Variants in NELL2 observed in about 807,000 individuals in gnomAD.
The protein encoded by NELL2 is protein kinase C-binding protein NELL2.
NELL2 carries 41 observed loss-of-function variants against 109.6 expected under a neutral mutation model. The observed-to-expected ratio is 0.37, with a 90% confidence interval of 0.29 to 0.49. The LOEUF is 0.49. Ranked by LOEUF, NELL2 falls within the 20% of genes least tolerant of loss-of-function variation. The probability of loss-of-function intolerance (pLI) is 0.98; values close to 1 mark genes in which losing one functional copy is unlikely to be tolerated. For missense variants in NELL2, 900 were observed against 1,008.3 expected, an observed-to-expected ratio of 0.89 and a Z score of 1.45; for synonymous variants, 355 against 344.7, an observed-to-expected ratio of 1.03 and a Z score of -0.33.
At chr12:44,517,973 TAA>T (rs1941348444) in intron 19 of NELL2, among the ~76,000 whole-genome samples, 1 of 152,184 alleles carries the variant, frequency 6.6e-6, no homozygotes, top group Non-Finnish European at 1.5e-5. Context: ...TTGTTTTGCA[TAA>T]ACTTTATTTT....
At chr12:44,787,088 T>C (rs1328241953) in intron 3 of NELL2, among the ~76,000 whole-genome samples, 1 of 152,114 alleles carries the variant, frequency 6.6e-6, no homozygotes, top group Non-Finnish European at 1.5e-5. Flanking sequence ...GGTCATAGGA[T>C]ACAATATGAC....
At chr12:44,754,204 T>C (rs114708459) in intron 9 of NELL2, among the ~76,000 whole-genome samples, 1 of 152,214 alleles carries the variant, frequency 6.6e-6, no homozygotes, top group Non-Finnish European at 1.5e-5. Flanking sequence ...TTTTAAAGTA[T>C]GATATTCAGT....
At chr12:44,588,044 G>A (rs1210948634) in intron 15 of NELL2, among the ~76,000 whole-genome samples, 2 of 151,980 alleles carry the variant, frequency 1.3e-5, no homozygotes, top group African/African-American at 2.4e-5. Flanking sequence ...CCAGCCACTC[G>A]GGAGGCTGAG....
chr12:44,856,648 G>A (rs918420816), intron 2 of NELL2, among the ~76,000 whole-genome samples: 1 of 152,166 alleles, frequency 6.6e-6, no homozygotes, highest in African/African-American at 2.4e-5. Context: ...TGGCATGTTT[G>A]AGAAACAAGG....
At chr12:44,605,125 CTT>C in intron 15 of NELL2, among the ~76,000 whole-genome samples, 1 of 152,142 alleles carries the variant, frequency 6.6e-6, no homozygotes, top group Non-Finnish European at 1.5e-5. Context: ...AGATTGAGGT[CTT>C]TGGATTTAAG....
At chr12:44,863,886 T>C (rs1429160647) in intron 2 of NELL2, among the ~76,000 whole-genome samples, 1 of 152,140 alleles carries the variant, frequency 6.6e-6, no homozygotes, top group Admixed American at 6.6e-5. Flanking sequence ...TATAAAAAGA[T>C]GCAAACGGTG....
chr12:44,663,164 G>T (rs1357779994), intron 13 of NELL2, among the ~76,000 whole-genome samples: 1 of 152,082 alleles, frequency 6.6e-6, no homozygotes, highest in Non-Finnish European at 1.5e-5. Context: ...ATCAAAGTGT[G>T]GGGGAGCCAA....
chr12:44,559,823 G>C (rs1401717066), intron 15 of NELL2, among the ~76,000 whole-genome samples: 1 of 152,160 alleles, frequency 6.6e-6, no homozygotes, highest in African/African-American at 2.4e-5. Flanking sequence ...TCTGGACCAA[G>C]TGGACTTAAT....
intron 2 of NELL2, among the ~76,000 whole-genome samples, chr12:44,817,899 A>G (rs531349327): frequency 5.2e-4 from 79 of 152,322 alleles, no homozygotes; most frequent in Non-Finnish European, 1.0e-3. Flanking sequence ...GACCTGACCA[A>G]TCCGGGCATC....
At chr12:44,739,933 C>T (rs927958938) in intron 9 of NELL2, among the ~76,000 whole-genome samples, 6 of 152,052 alleles carry the variant, frequency 3.9e-5, no homozygotes, top group African/African-American at 7.2e-5. Flanking sequence ...ATTAGAAGAC[C>T]GCATGATCAT....
At chr12:44,775,561 A>G (rs1941725799) in intron 8 of NELL2, among the ~76,000 whole-genome samples, 1 of 152,218 alleles carries the variant, frequency 6.6e-6, no homozygotes, top group Non-Finnish European at 1.5e-5. Context: ...TATAATTTGT[A>G]TTCCACTGTA....
intron 1 of NELL2, among the ~76,000 whole-genome samples, chr12:44,882,717 A>G (rs1484463417): frequency 6.6e-6 from 1 of 151,144 alleles, no homozygotes; most frequent in African/African-American, 2.4e-5. Context: ...TAGTAGAGAC[A>G]GGGTTTCACC....
chr12:44,723,511 ACACT>A (rs1295175668), intron 9 of NELL2, among the ~76,000 whole-genome samples: 1 of 152,224 alleles, frequency 6.6e-6, no homozygotes, highest in Non-Finnish European at 1.5e-5. Flanking sequence ...ACACAAATTC[ACACT>A]CAATCATGTT....
At chr12:44,676,490 T>G (rs1948323882) in intron 12 of NELL2, among the ~76,000 whole-genome samples, 1 of 152,170 alleles carries the variant, frequency 6.6e-6, no homozygotes, top group Non-Finnish European at 1.5e-5. Flanking sequence ...TTAATTTCTA[T>G]GTATTAAAAA....
chr12:44,791,180 C>T (rs1385405595), intron 3 of NELL2, among the ~76,000 whole-genome samples: 1 of 27,716 alleles, frequency 3.6e-5, no homozygotes, highest in Non-Finnish European at 6.8e-5. Flanking sequence ...TATAGTATTC[C>T]ATCATATATA....
At chr12:44,634,808 A>G (rs1181514806) in intron 13 of NELL2, among the ~76,000 whole-genome samples, 3 of 152,048 alleles carry the variant, frequency 2.0e-5, no homozygotes, top group Non-Finnish European at 2.9e-5. Flanking sequence ...AAGCATTCCT[A>G]TTTCTCCACA....
intron 13 of NELL2, among the ~76,000 whole-genome samples, chr12:44,645,239 T>C (rs755718046): frequency 4.6e-5 from 7 of 152,098 alleles, no homozygotes; most frequent in Non-Finnish European, 1.0e-4. Flanking sequence ...AGCCACTAAA[T>C]GGCAATAAGC....
At chr12:44,770,452 T>A (rs894722827) in intron 9 of NELL2, among the ~76,000 whole-genome samples, 2 of 152,052 alleles carry the variant, frequency 1.3e-5, no homozygotes, top group African/African-American at 4.8e-5. Context: ...ACCCAGAAAA[T>A]CCGACTTGTA....
At chr12:44,592,628 CCTG>C (rs1944798634) in intron 15 of NELL2, among the ~76,000 whole-genome samples, 1 of 152,116 alleles carries the variant, frequency 6.6e-6, no homozygotes, top group Non-Finnish European at 1.5e-5. Flanking sequence ...GAAATACCTA[CCTG>C]GTAAGAAAGA....
Sources: allele counts gnomAD v4.1 joint callset (sites outside exome capture counted in the v4.1 genomes callset), GRCh38; gene constraint gnomAD v4.1.1; transcripts MANE v1.5; gene names NCBI Gene and HGNC (gene_info 2026-07-23, HGNC 2026-07-21).